The following INTS13 variants were observed in gnomAD, a reference collection of about 807,000 sequenced individuals.
The protein encoded by INTS13 is asunder, spermatogenesis regulator homolog (Drosphila).
Under a neutral mutation model 90.2 loss-of-function variants are expected in INTS13, and 35 were observed. The observed-to-expected ratio is 0.39, with a 90% CI of 0.30 to 0.51. The LOEUF is 0.51. INTS13 is among the 20% of genes least tolerant of loss of function. The pLI is 0.80. For missense variants in INTS13, 601 were observed against 851.2 expected (o/e 0.71, Z 3.66); for synonymous variants, 309 against 277.1 (o/e 1.11, Z -1.14).
intron 3 of INTS13, 78 bp downstream of exon 3, chr12:26,934,478 A>G: frequency 9.3e-7 from 1 of 1,076,078 alleles, no homozygotes; most frequent in Admixed American, 2.0e-5. Context: ...AGTGATTTAA[A>G]AAATTAGTCA....
chr12:26,919,654 AT>A (rs147128755), intron 8 of INTS13, among the ~76,000 whole-genome samples: 15,461 of 152,218 alleles, frequency 0.1, 1,049 homozygotes, highest in East Asian at 0.16. Context: ...GATGGATTAG[AT>A]GTCTCAAAAA....
chr12:26,922,107 G>A (rs1415297400), intron 8 of INTS13, among the ~76,000 whole-genome samples: 1 of 152,142 alleles, frequency 6.6e-6, no homozygotes, highest in Non-Finnish European at 1.5e-5. Flanking sequence ...GCATATATAT[G>A]CTATAAACAC....
Position 26,914,412 on chromosome 12 carries a change from T to C in INTS13, c.1415A>G (p.Gln472Arg), listed in dbSNP as rs759297007. ...IISQTTIFNM[Q>R]AVVPLASVIV... Reference sequence around the variant, plus strand: ...TTGAAGCTACTTAACACTTACCGCTTGCATGTTAAAAATGGTGGTTTGTGA... The same window carrying C: ...TTGAAGCTACTTAACACTTACCGCTCGCATGTTAAAAATGGTGGTTTGTGA... Residue 472 changes from glutamine (Q) to arginine (R), a missense_variant, in exon 12 of 17, where the codon CAA (glutamine) becomes CGA (arginine). By Grantham distance (43) the Gln-to-Arg change is conservative. Transcript: ENST00000261191. 6.2e-7 allele frequency: 1 copy of C among 1,612,366 alleles called. No homozygotes were observed. The highest frequency in any genetic ancestry group is 8.5e-7 in the Non-Finnish European group (1 of 1,179,470).
chr12:26,928,271 C>T lies in INTS13; in HGVS notation c.518G>A (p.Arg173Gln), dbSNP rs762316558. 1.1e-5 allele frequency: 17 copies of T among 1,608,568 alleles called. No homozygotes were observed. Among genetic ancestry groups the T allele is most frequent in the South Asian group, 4.4e-5 (4 of 90,664 alleles). Residue 173 changes from arginine (R) to glutamine (Q), a missense_variant, in exon 5 of 17, where the codon CGA (arginine) becomes CAA (glutamine). By Grantham distance (43) the Arg-to-Gln change is conservative. Around this residue, in one of 3 missense-constraint regions of INTS13, gnomAD observed 284 missense variants for 387.7 expected, o/e 0.73. Transcript: ENST00000261191. ...TTCCTGGACACAGTCTTCAAGCATTCGCACATGACTATCACTATGGCATAA... is the reference window on the plus strand; with the variant it reads ...TTCCTGGACACAGTCTTCAAGCATTTGCACATGACTATCACTATGGCATAA... ...ITNAKSDSHV[R>Q]MLEDCVQETI...
At chr12:26,910,218 G>A (rs545315647) in intron 15 of INTS13, among the ~76,000 whole-genome samples, 3 of 152,136 alleles carry the variant, frequency 2.0e-5, no homozygotes, top group African/African-American at 4.8e-5. Context: ...TCTAGGTTTC[G>A]TAAGAGTTTA....
In INTS13 at chr12:26,924,348, T is replaced by G. The variant is rs748472793; in HGVS notation, c.804+7A>C. The G allele has an allele frequency of 3.1e-6, 5 of 1,608,516 alleles. No individual in the cohort carries two copies. The South Asian group carries it at 5.6e-5, about 18-fold the overall frequency. On this transcript the variant is annotated splice_region_variant and intron_variant, in intron 7 of 16. Transcript: ENST00000261191. ...CTTTCAAAATAGCAGGAAAAAGAAC[T>G]GCCTACCTTCATTGGAATATTTGTA...
At chr12:26,928,570 A>G (rs1938014031) in intron 4 of INTS13, 133 bp downstream of exon 4, 2 of 886,854 alleles carry the variant, frequency 2.3e-6, no homozygotes, top group Non-Finnish European at 3.3e-6. Context: ...AAAAAAAAAG[A>G]AAAAAATCAG....
chr12:26,927,372 T>C (rs1474752804), intron 5 of INTS13, among the ~76,000 whole-genome samples: 2 of 152,188 alleles, frequency 1.3e-5, no homozygotes, highest in Admixed American at 6.5e-5. Flanking sequence ...AATTGAATTG[T>C]AGGACACACA....
rs540343388 is a variant in INTS13, at chr12:26,913,959, G to GA, written c.1574+14dup. ...TAAATGTGATCTATAAAGTAAGAAA[G>GA]AAAAAAAAATGTACCTTTTAGGGCC... is the stretch of plus-strand genomic sequence containing the variant. On this transcript the variant is annotated intron_variant, in intron 13 of 16. Transcript: ENST00000261191. The GA allele has an allele frequency of 5.6e-4, 873 of 1,564,494 alleles. 2 individuals are homozygous for GA. Among genetic ancestry groups the GA allele is most frequent in the East Asian group, 5.1e-3 (224 of 43,728 alleles).
rs1052726359 is a variant in INTS13, at chr12:26,936,604, T to C, written c.200A>G (p.Tyr67Cys). The C allele has an allele frequency of 6.2e-7, 1 of 1,611,262 alleles. No homozygotes were observed. Among genetic ancestry groups the C allele is most frequent in the South Asian group, 1.1e-5 (1 of 91,014 alleles). ...CAGCTTTTTGAAAGGAAATATATCATACATTATTCTACAATATTCCATGGA... is the reference window on the plus strand; with the variant it reads ...CAGCTTTTTGAAAGGAAATATATCACACATTATTCTACAATATTCCATGGA... Reference protein sequence around the residue: ...ESSMEYCRIMYDIFPFKKLVN... With the variant: ...ESSMEYCRIMCDIFPFKKLVN... Residue 67 changes from tyrosine (Y) to cysteine (C), a missense_variant, in exon 2 of 17, where the codon TAT becomes TGT. This residue lies in a region of INTS13 where 284 missense variants were observed against 387.7 expected (regional missense o/e 0.73). Transcript: ENST00000261191.
intron 2 of INTS13, among the ~76,000 whole-genome samples, chr12:26,934,890 C>T (rs748364416): frequency 2.0e-5 from 3 of 151,950 alleles, no homozygotes; most frequent in South Asian, 2.1e-4. Context: ...GAAGGCACTG[C>T]GGGAAGAATA....
At chr12:26,927,499 GT>G (rs1274422072) in intron 5 of INTS13, among the ~76,000 whole-genome samples, 1 of 152,046 alleles carries the variant, frequency 6.6e-6, no homozygotes, top group Admixed American at 6.6e-5. Context: ...AACAGAAAAA[GT>G]TTTTTTAAAA....
chr12:26,932,878 T>A (rs73084611), intron 3 of INTS13, among the ~76,000 whole-genome samples: 7,152 of 152,324 alleles, frequency 0.047, 228 homozygotes, highest in Non-Finnish European at 0.078. Flanking sequence ...ACCTACTCCA[T>A]AACATGTAGA....
rs151179106 is a variant in INTS13, at chr12:26,936,774, T to A, written c.30A>T (p.Thr10=). The A allele has an allele frequency of 7.6e-5, 123 of 1,613,974 alleles. No homozygotes were observed. The African/African-American group carries it at 1.6e-3, about 21-fold the overall frequency. The part of the protein sequence containing the change: MKIFSESHK[T]VFVVDHCPYM... ...AAGGGCAGTGATCCACAACAAACAC[T>A]GTTTTATGAGATTCAGAAAAAATCT... The change falls in exon 2 of 17, where the codon ACA becomes ACT. Residue 10 remains threonine, a synonymous_variant. Transcript: ENST00000261191.
chr12:26,905,395 T>C lies in INTS13; in HGVS notation c.*102A>G, dbSNP rs1360310441. 7.5e-6 allele frequency: 8 copies of C among 1,060,594 alleles called. No individual in the cohort carries two copies. The highest frequency in any genetic ancestry group is 1.1e-5 in the Non-Finnish European group (8 of 715,710). The allele number at this position is 1,060,594 out of a possible 1,614,324, so 65.7% of individuals were successfully genotyped here. On this transcript the variant is annotated 3_prime_UTR_variant, in exon 17 of 17. Transcript: ENST00000261191. ...AATATTTTAAAAATGTAAAAACCAG[T>C]CCAGGCAACATAACTATACCATCTT... is the stretch of plus-strand genomic sequence containing the variant.
chr12:26,905,664 G>C, intron 16 of INTS13, 128 bp from the exon 17 acceptor site: 1 of 916,932 alleles, frequency 1.1e-6, no homozygotes, highest in Non-Finnish European at 1.6e-6. Flanking sequence ...TTTAGGAAAG[G>C]ACTAACATCA....
chr12:26,922,666 T>G lies in INTS13; in HGVS notation c.839A>C (p.Asp280Ala). ...ATCTTTGTGATGAAGTAGCTCCACATCATAATTGGCAGATGTGTTAGCATG... is the reference window on the plus strand; with the variant it reads ...ATCTTTGTGATGAAGTAGCTCCACAGCATAATTGGCAGATGTGTTAGCATG... ...EQHANTSANY[D>A]VELLHHKDAH... Residue 280 changes from aspartate (D) to alanine (A), a missense_variant, in exon 8 of 17, where the codon GAT becomes GCT. Transcript: ENST00000261191. 1 of 1,588,400 alleles carries G rather than the reference T, an allele frequency of 6.3e-7. No individual in the cohort carries two copies. Among genetic ancestry groups the G allele is most frequent in the Non-Finnish European group, 8.6e-7 (1 of 1,166,916 alleles).
At chr12:26,917,529 T>G in intron 9 of INTS13, 88 bp from the exon 10 acceptor site, 1 of 1,224,012 alleles carries the variant, frequency 8.2e-7, no homozygotes, top group East Asian at 2.4e-5. Flanking sequence ...TTCACTGAGT[T>G]CATTGAGTCC....
In INTS13 at chr12:26,924,440, C is replaced by T. The variant is rs1236930268; in HGVS notation, c.719G>A (p.Gly240Glu). Residue 240 changes from glycine (G) to glutamate (E), a missense_variant, in exon 7 of 17, where the codon GGA (glycine) becomes GAA (glutamate). This residue lies in a region of INTS13 where 284 missense variants were observed against 387.7 expected (regional missense o/e 0.73). Transcript: ENST00000261191. ...ATTCAATTTGGTAGCAAGATGCCGT[C>T]CTGCACGAACACTATGAACTTCACT... ...LTSEVHSVRA[G>E]RHLATKLNIL... is the part of the protein sequence containing the mutation. 1 of 1,613,034 alleles carries T rather than the reference C, an allele frequency of 6.2e-7. No homozygotes were observed. The highest frequency in any genetic ancestry group is 8.5e-7 in the Non-Finnish European group (1 of 1,179,364).
Sources: allele counts gnomAD v4.1 joint callset (sites outside exome capture counted in the v4.1 genomes callset), GRCh38; gene constraint gnomAD v4.1.1; regional missense constraint gnomAD v4.1.1; transcripts MANE v1.5; gene names NCBI Gene and HGNC (gene_info 2026-07-23, HGNC 2026-07-21).